The following ERP44 variants were observed in gnomAD, a reference collection of about 807,000 sequenced individuals.
ERP44 encodes the protein endoplasmic reticulum protein 44, also known as endoplasmic reticulum resident protein 44.
In ERP44, 25 loss-of-function variants were observed where a neutral mutation model predicts 53.4. That is an observed-to-expected ratio of 0.47 (90% CI 0.34 to 0.65). ERP44 has a LOEUF of 0.65. Ranked by LOEUF, ERP44 falls within the 30% of genes least tolerant of loss-of-function variation. ERP44 has a pLI of 0.01. For missense variants in ERP44, 338 were observed against 493.2 expected (o/e 0.69, Z 2.98); for synonymous variants, 145 against 161.2 (o/e 0.90, Z 0.76).
rs187120875 is a variant in ERP44 at position 100,074,481 on chromosome 9, A to G, written c.58-14309T>C. ...ATATAAGGAAAAAACTTGTAGGTCG[A>G]ATGGACAAAAGACTAATTTGAATTA... On this transcript the variant is annotated intron_variant, in intron 1 of 11. Transcript: ENST00000262455. Among the ~76,000 whole-genome samples, 52 of 152,322 alleles carry G rather than the reference A, an allele frequency of 3.4e-4. No homozygotes were observed. In the East Asian group the frequency reaches 9.1e-3, roughly 27 times the overall value.
In ERP44 at chr9:99,982,648, A is replaced by G. The variant is rs769350768; in HGVS notation, c.1185T>C (p.Tyr395=). The change falls in exon 12 of 12, where the codon TAT becomes TAC. Residue 395 remains tyrosine, a synonymous_variant. Transcript: ENST00000262455. The stretch of plus-strand genomic sequence containing the variant: ...CTCGATCCCTCAATAGAGTATACCT[A>G]TATTCACTGGGTGCTAGTTTCTGGA... ...SSFQKLAPSE[Y]RYTLLRDRDE... is the part of the protein sequence containing the mutation. The G allele has an allele frequency of 1.5e-5, 24 of 1,609,168 alleles. No individual in the cohort carries two copies. The highest frequency in any genetic ancestry group is 1.7e-5 in the Non-Finnish European group (20 of 1,178,436).
intron 9 of ERP44, 39 bp from the exon 10 acceptor site, chr9:100,006,686 T>G: frequency 6.9e-7 from 1 of 1,439,884 alleles, no homozygotes; most frequent in Non-Finnish European, 9.4e-7. Context: ...AATTCAAATT[T>G]TCTTGAAAAT....
At chr9:100,085,206 T>C (rs150825701) in intron 1 of ERP44, among the ~76,000 whole-genome samples, 8 of 152,344 alleles carry the variant, frequency 5.3e-5, no homozygotes, top group African/African-American at 1.9e-4. Flanking sequence ...AAATACAATT[T>C]ACCCTCCTCT....
intron 10 of ERP44, among the ~76,000 whole-genome samples, chr9:99,993,687 C>T (rs1830279676): frequency 6.6e-6 from 1 of 152,142 alleles, no homozygotes; most frequent in Non-Finnish European, 1.5e-5. Flanking sequence ...TAAAGAGCTT[C>T]TGCACAGCAA....
intron 10 of ERP44, among the ~76,000 whole-genome samples, chr9:99,999,822 G>A (rs762349529): frequency 5.3e-5 from 8 of 152,058 alleles, no homozygotes; most frequent in Non-Finnish European, 7.4e-5. Context: ...TTATGTTAAT[G>A]TCTTTAATCT....
At chr9:100,083,029 C>G (rs894611491) in intron 1 of ERP44, among the ~76,000 whole-genome samples, 3 of 151,836 alleles carry the variant, frequency 2.0e-5, no homozygotes, top group African/African-American at 7.3e-5. Context: ...CACAAGCACA[C>G]TTACTACACA....
intron 1 of ERP44, among the ~76,000 whole-genome samples, chr9:100,068,863 G>T (rs1481371909): frequency 6.6e-6 from 1 of 152,232 alleles, no homozygotes; most frequent in African/African-American, 2.4e-5. Context: ...GGAAAGGTGG[G>T]GAAAAGATTG....
At chr9:100,067,168 G>GCTCTCCCTCTCC (rs893188814) in intron 1 of ERP44, among the ~76,000 whole-genome samples, 5 of 146,824 alleles carry the variant, frequency 3.4e-5, no homozygotes, top group African/African-American at 1.1e-4. Flanking sequence ...TCTCCCTCTC[G>GCTCTCCCTCTCC]CTCTCCCTCT....
intron 3 of ERP44, among the ~76,000 whole-genome samples, chr9:100,056,953 C>A (rs1347397931): frequency 6.6e-6 from 1 of 152,110 alleles, no homozygotes; most frequent in Non-Finnish European, 1.5e-5. Flanking sequence ...GGGGTATAAA[C>A]TAATCTTATT....
chr9:100,047,726 A>G (rs1825989660), intron 4 of ERP44, among the ~76,000 whole-genome samples: 1 of 152,218 alleles, frequency 6.6e-6, no homozygotes. Context: ...GTAAAAATAC[A>G]TAAGATAGAC....
chr9:100,043,137 T>C (rs1825926481), intron 4 of ERP44, among the ~76,000 whole-genome samples: 1 of 151,086 alleles, frequency 6.6e-6, no homozygotes, highest in East Asian at 2.0e-4. Flanking sequence ...CGGGCACCTG[T>C]AGTCCCAGCT....
At chr9:100,045,770 G>A (rs1263599675) in intron 4 of ERP44, among the ~76,000 whole-genome samples, 2 of 152,126 alleles carry the variant, frequency 1.3e-5, no homozygotes, top group Non-Finnish European at 2.9e-5. Context: ...ACATACGTGG[G>A]CATGATGATA....
In ERP44 at chr9:99,981,264, G is replaced by A. The variant is rs1400336303; in HGVS notation, c.*1348C>T. ...ACTATGGAAACTTTGGATAAATCAT[G>A]CATAACGAGGAATTATAAGCTGGTT... is the stretch of plus-strand genomic sequence containing the variant. On this transcript the variant is annotated 3_prime_UTR_variant, in exon 12 of 12. Coordinates refer to ENST00000262455, the MANE Select transcript of ERP44 (RefSeq NM_015051.3). 1.3e-5 allele frequency: 2 copies of A among 152,162 alleles called. No individual in the cohort carries two copies. Among genetic ancestry groups the A allele is most frequent in the Non-Finnish European group, 2.9e-5 (2 of 68,004 alleles). 9.4% of individuals were successfully genotyped at this position (152,162 alleles called of 1,614,324 possible). A position where few individuals can be genotyped will look rare whatever the true frequency, so the allele number is the denominator to read the frequency against.
chr9:100,042,337 T>C (rs1211293206), intron 4 of ERP44, among the ~76,000 whole-genome samples: 2 of 152,256 alleles, frequency 1.3e-5, no homozygotes, highest in East Asian at 3.9e-4. Context: ...GTCAAAGAAA[T>C]GCAAATCAAA....
chr9:100,080,971 A>G (rs1475518578), intron 1 of ERP44, among the ~76,000 whole-genome samples: 2 of 152,118 alleles, frequency 1.3e-5, no homozygotes, highest in East Asian at 1.9e-4. Flanking sequence ...GAAAAGAACT[A>G]CTTTTCAAAA....
At chr9:100,003,585 C>T (rs1048423546) in intron 10 of ERP44, among the ~76,000 whole-genome samples, 1 of 151,820 alleles carries the variant, frequency 6.6e-6, no homozygotes, top group African/African-American at 2.4e-5. Flanking sequence ...AGCTTGGTGC[C>T]TGGGTCCATG....
At chr9:100,039,368 A>T (rs1825878837) in intron 4 of ERP44, among the ~76,000 whole-genome samples, 1 of 152,214 alleles carries the variant, frequency 6.6e-6, no homozygotes, top group Non-Finnish European at 1.5e-5. Context: ...AAAACTAGAA[A>T]TGGATAACAA....
At chr9:100,068,190 G>T (rs1462138143) in intron 1 of ERP44, among the ~76,000 whole-genome samples, 1 of 148,976 alleles carries the variant, frequency 6.7e-6, no homozygotes, top group East Asian at 2.1e-4. Flanking sequence ...CAGCAGCCCC[G>T]TCCGGGAGGG....
At chr9:100,097,530 T>C (rs1271146528) in intron 1 of ERP44, among the ~76,000 whole-genome samples, 1 of 152,156 alleles carries the variant, frequency 6.6e-6, no homozygotes, top group African/African-American at 2.4e-5. Flanking sequence ...AACAACACTA[T>C]ACAGAATATT....
Sources: allele counts gnomAD v4.1 joint callset (sites outside exome capture counted in the v4.1 genomes callset), GRCh38; gene constraint gnomAD v4.1.1; transcripts MANE v1.5; gene names NCBI Gene and HGNC (gene_info 2026-07-23, HGNC 2026-07-21).